The following ZNF117 variants were observed in gnomAD, a reference collection of about 807,000 sequenced individuals.
ZNF117 encodes Krueppel-related zinc finger protein.
Under a neutral mutation model 41.2 loss-of-function variants are expected in ZNF117, and 37 were observed. The observed-to-expected ratio is 0.90, with a 90% confidence interval of 0.69 to 1.18. The LOEUF (loss-of-function observed/expected upper bound fraction) is 1.18, where lower values mean the gene tolerates loss of function less well. ZNF117 is among the 50% of genes most tolerant of loss of function. The probability of loss-of-function intolerance (pLI) is 0.00; values close to 1 mark genes in which losing one functional copy is unlikely to be tolerated. For synonymous variants in ZNF117, 186 were observed against 186.6 expected (o/e 1.00, Z 0.02); for missense variants, 546 against 557.5 (o/e 0.98, Z 0.21).
chr7:64,978,809 G>A lies in ZNF117; in HGVS notation c.762C>T (p.Cys254=), dbSNP rs752243867. 72 of 1,613,084 alleles carry A rather than the reference G, an allele frequency of 4.5e-5. 1 individual carries two copies. In the Admixed American group the frequency reaches 6.5e-4, roughly 15 times the overall value. The change falls in exon 3 of 3, where the codon TGC becomes TGT. Residue 254 remains cysteine, a synonymous_variant. Coordinates refer to ENST00000620222, the Ensembl canonical transcript of ZNF117. ...TTGAGGATCGGTTAAAAGCTTTGCC[G>A]CATTCTTCACATTCATAACGTTTCT... is the stretch of plus-strand genomic sequence containing the variant.
downstream of ZNF117, chr7:64,972,051 C>A (rs978295177): frequency 2.0e-5 from 3 of 151,704 alleles, no homozygotes; most frequent in African/African-American, 7.3e-5. Flanking sequence ...CAAGAAAAGA[C>A]AAATGGTCAA....
intron 2 of ZNF117, chr7:64,980,694 T>TA (rs1786005739): frequency 6.6e-6 from 1 of 152,042 alleles, no homozygotes; most frequent in Non-Finnish European, 1.5e-5. Flanking sequence ...ATGTTATTTA[T>TA]AAGCATAGTC....
chr7:64,980,306 C>T (rs1332810361), intron 2 of ZNF117: 4 of 151,874 alleles, frequency 2.6e-5, no homozygotes, highest in Admixed American at 2.6e-4. Context: ...TTAAAGATTA[C>T]AATGCATACA....
At chr7:64,978,683 C>T (rs772958883) in exon 3 of ZNF117, 5 of 1,612,866 alleles carry the variant, frequency 3.1e-6, no homozygotes, top group Non-Finnish European at 4.2e-6. Context: ...TATGAATTCT[C>T]TTATGTGTAG....
At chr7:64,977,365 G>A in exon 3 of ZNF117, 1 of 411,294 alleles carries the variant, frequency 2.4e-6, no homozygotes. Flanking sequence ...GTTGAAGACT[G>A]GCTAAAAGCT....
chr7:64,986,066 T>C (rs1481835101), upstream of ZNF117, among the ~76,000 whole-genome samples: 3 of 152,048 alleles, frequency 2.0e-5, no homozygotes, highest in South Asian at 6.2e-4. Context: ...TCTCTGGACA[T>C]GTTTTTGAAC....
upstream of ZNF117, among the ~76,000 whole-genome samples, chr7:64,985,254 A>T (rs147676459): frequency 1.8e-4 from 28 of 152,350 alleles, no homozygotes; most frequent in African/African-American, 6.0e-4. Context: ...CCAAAGCACA[A>T]CTACAGACTC....
downstream of ZNF117, chr7:64,972,045 A>G (rs1230253696): frequency 6.6e-6 from 1 of 152,088 alleles, no homozygotes; most frequent in Non-Finnish European, 1.5e-5. Flanking sequence ...ATTTTTCAAG[A>G]AAAGACAAAT....
Position 64,979,046 on chromosome 7 carries a change from G to C in ZNF117, c.525C>G (p.Asn175Lys), listed in dbSNP as rs1299346792. 3.7e-6 allele frequency: 6 copies of C among 1,612,766 alleles called. No homozygotes were observed. The South Asian group carries it at 5.5e-5, about 15-fold the overall frequency. Reference sequence around the variant, plus strand: ...TATGTCTAATAAGGTGTGAGGTCTGGTTAAAGGCTTTGCCACATTCTTTAC... The same window carrying C: ...TATGTCTAATAAGGTGTGAGGTCTGCTTAAAGGCTTTGCCACATTCTTTAC... The change falls in exon 3 of 3, where the codon AAC becomes AAG. Residue 175 changes from asparagine to lysine, a missense_variant. Transcript: ENST00000620222.
At chr7:64,988,674 G>T (rs1040510051) in intron 1 of ZNF117, among the ~76,000 whole-genome samples, 7 of 152,112 alleles carry the variant, frequency 4.6e-5, no homozygotes, top group Non-Finnish European at 1.0e-4. Context: ...ATTTTTTGCA[G>T]ATGTAATTCT....
upstream of ZNF117, among the ~76,000 whole-genome samples, chr7:64,983,901 C>T (rs1477528901): frequency 6.6e-6 from 1 of 152,208 alleles, no homozygotes; most frequent in Non-Finnish European, 1.5e-5. Flanking sequence ...CTTTTAAAAA[C>T]ACAAGCTAGA....
At chr7:64,971,821 CAAAAG>C (rs1191405570), downstream of ZNF117, 1 of 151,732 alleles carries the variant, frequency 6.6e-6, no homozygotes, top group Non-Finnish European at 1.5e-5. Context: ...CCAAGGAAAT[CAAAAG>C]AAAAATAGAT....
downstream of ZNF117, chr7:64,972,267 A>T (rs990946821): frequency 1.4e-5 from 2 of 143,914 alleles, no homozygotes; most frequent in Non-Finnish European, 3.0e-5. Flanking sequence ...TTGTCAAAAA[A>T]TTTAAAATTA....
At chr7:64,976,923 T>G (rs1333845934) in exon 3 of ZNF117, 1 of 521,842 alleles carries the variant, frequency 1.9e-6, no homozygotes, top group Non-Finnish European at 3.9e-6. Context: ...ATGAATTGTC[T>G]TATGTGGAGT....
At chr7:64,978,866 C>T (rs370609303) in exon 3 of ZNF117, 103 of 1,613,298 alleles carry the variant, frequency 6.4e-5, no homozygotes, top group Non-Finnish European at 8.6e-5. Flanking sequence ...GTTCAGTAAG[C>T]TTTGAGGCTT....
At position 64,981,378 on chromosome 7, in the gene ZNF117, C is replaced by T. The variant is rs1365497865; in HGVS notation, c.34+9G>A. 1 of 1,613,040 alleles carries T rather than the reference C, an allele frequency of 6.2e-7. No homozygotes were observed. The highest frequency in any genetic ancestry group is 8.5e-7 in the Non-Finnish European group (1 of 1,179,166). On this transcript the variant is annotated intron_variant, in intron 2 of 2. Coordinates refer to ENST00000620222, the Ensembl canonical transcript of ZNF117. Reference sequence around the variant, plus strand: ...TCTCTGTGCCATCTGTGTATTCACTCTCACTTACCTAAATGTTTAGCTACC... The same window carrying T: ...TCTCTGTGCCATCTGTGTATTCACTTTCACTTACCTAAATGTTTAGCTACC...
At chr7:64,976,647 T>C (rs1294134003) in exon 3 of ZNF117, 2 of 286,090 alleles carry the variant, frequency 7.0e-6, no homozygotes, top group African/African-American at 4.5e-5. Flanking sequence ...TTCACACTTC[T>C]GGGAGTTTCC....
At chr7:64,989,486 T>TATATACATAC (rs1554299901) in intron 1 of ZNF117, among the ~76,000 whole-genome samples, 1 of 74,640 alleles carries the variant, frequency 1.3e-5, no homozygotes, top group Non-Finnish European at 2.9e-5. Context: ...TATATATATA[T>TATATACATAC]ATATATATAT....
At chr7:64,978,776 A>C (rs1785957306) in exon 3 of ZNF117, 13 of 1,613,274 alleles carry the variant, frequency 8.1e-6, no homozygotes, top group African/African-American at 2.7e-5. Context: ...ACTTATGTTC[A>C]GTAAGTTTTG....
Sources: gnomAD v4.1 joint callset for allele counts (sites outside exome capture counted in the v4.1 genomes callset) on GRCh38, gnomAD v4.1.1 for gene constraint, MANE v1.5 for transcripts, NCBI Gene and HGNC (gene_info 2026-07-23, HGNC 2026-07-21) for gene names.